Variants in MYRIP observed in about 807,000 individuals in gnomAD.
The protein encoded by MYRIP is rab effector MyRIP.
Under a neutral mutation model 98.0 loss-of-function variants are expected in MYRIP, and 49 were observed. That is an observed-to-expected ratio of 0.50 (90% CI 0.40 to 0.63). The LOEUF is 0.63. Among genes scored for constraint, MYRIP ranks in the 30% least tolerant of loss-of-function variants. The pLI is 0.00. For synonymous variants in MYRIP, 404 were observed against 409.5 expected, an observed-to-expected ratio of 0.99 and a Z score of 0.16; for missense variants, 1,004 against 1,058.2, an observed-to-expected ratio of 0.95 and a Z score of 0.71.
intron 2 of MYRIP, among the ~76,000 whole-genome samples, chr3:39,967,529 T>C (rs766662520): frequency 1.2e-4 from 18 of 152,168 alleles, no homozygotes; most frequent in Non-Finnish European, 2.2e-4. Context: ...CTATTGTGAG[T>C]AATGCTGCAA....
intron 2 of MYRIP, among the ~76,000 whole-genome samples, chr3:39,916,776 T>A (rs748403641): frequency 8.5e-5 from 13 of 152,230 alleles, no homozygotes; most frequent in Admixed American, 2.6e-4. Context: ...AAATGTCATT[T>A]AACATATAGA....
At chr3:40,226,621 C>T (rs1952500017) in intron 11 of MYRIP, among the ~76,000 whole-genome samples, 1 of 152,218 alleles carries the variant, frequency 6.6e-6, no homozygotes, top group African/African-American at 2.4e-5. Flanking sequence ...GACCCTAATA[C>T]AAATCCCGGC....
chr3:40,169,496 A>T (rs1950565992), intron 7 of MYRIP, among the ~76,000 whole-genome samples: 1 of 152,136 alleles, frequency 6.6e-6, no homozygotes, highest in African/African-American at 2.4e-5. Flanking sequence ...GGGCTTCCAG[A>T]TGCTTCCTAA....
At position 40,236,677 on chromosome 3, in the gene MYRIP, T is replaced by C. The variant is rs946155149; in HGVS notation, c.2100+2624T>C. Among the ~76,000 whole-genome samples, 5 of 152,268 alleles carry C rather than the reference T, an allele frequency of 3.3e-5. No individual in the cohort carries two copies. The South Asian group carries it at 8.3e-4, about 25-fold the overall frequency. On this transcript the variant is annotated intron_variant, in intron 12 of 16. Transcript: ENST00000302541. ...CAGACCAAGGGTGACACTGAGAAATTTGGACATTAACACTCAAGCTGTAGT... is the reference window on the plus strand; with the variant it reads ...CAGACCAAGGGTGACACTGAGAAATCTGGACATTAACACTCAAGCTGTAGT...
At chr3:40,244,632 A>G in intron 13 of MYRIP, 25 bp downstream of exon 13, 1 of 1,597,774 alleles carries the variant, frequency 6.3e-7, no homozygotes, top group East Asian at 2.3e-5. Context: ...CTCTGCCCAC[A>G]TGGGTCCTGC....
chr3:40,027,904 G>T (rs1947171855), intron 2 of MYRIP, among the ~76,000 whole-genome samples: 1 of 152,000 alleles, frequency 6.6e-6, no homozygotes, highest in Non-Finnish European at 1.5e-5. Context: ...AAGTGAGTTT[G>T]GAAGTCAATT....
intron 1 of MYRIP, among the ~76,000 whole-genome samples, chr3:39,839,456 C>T (rs1941728457): frequency 6.6e-6 from 1 of 152,108 alleles, no homozygotes; most frequent in African/African-American, 2.4e-5. Context: ...TGGGGTTTCA[C>T]CAAGTTGGCC....
At chr3:39,958,784 A>G (rs1204479375) in intron 2 of MYRIP, among the ~76,000 whole-genome samples, 3 of 152,254 alleles carry the variant, frequency 2.0e-5, no homozygotes, top group Non-Finnish European at 2.9e-5. Context: ...TACCCATCTG[A>G]CAAAGGGCTA....
chr3:40,236,665 A>G (rs182210016), intron 12 of MYRIP, among the ~76,000 whole-genome samples: 20 of 152,388 alleles, frequency 1.3e-4, no homozygotes, highest in Middle Eastern at 6.8e-3. Flanking sequence ...ACCAAGGGTG[A>G]CACTGAGAAA....
intron 2 of MYRIP, among the ~76,000 whole-genome samples, chr3:40,029,945 A>G (rs1947220759): frequency 6.6e-6 from 1 of 152,124 alleles, no homozygotes. Flanking sequence ...CTGTAGTCCC[A>G]GCTACTTGGG....
intron 2 of MYRIP, among the ~76,000 whole-genome samples, chr3:40,018,061 C>T (rs867822504): frequency 6.6e-6 from 1 of 152,158 alleles, no homozygotes; most frequent in Non-Finnish European, 1.5e-5. Context: ...ATGTATCAAT[C>T]ATAGTTCAGC....
intron 10 of MYRIP, among the ~76,000 whole-genome samples, chr3:40,190,720 C>T (rs1224048679): frequency 6.6e-6 from 1 of 152,164 alleles, no homozygotes; most frequent in Non-Finnish European, 1.5e-5. Flanking sequence ...GCATCAGCAC[C>T]ACCAGGAAAC....
intron 1 of MYRIP, among the ~76,000 whole-genome samples, chr3:39,824,762 A>G (rs66673470): frequency 0.084 from 12,637 of 151,060 alleles, 594 homozygotes; most frequent in African/African-American, 0.13. Flanking sequence ...GTTTCCCAGG[A>G]TAGAGTGCAG....
chr3:40,066,068 A>G (rs79469199), intron 3 of MYRIP, among the ~76,000 whole-genome samples: 43,752 of 151,800 alleles, frequency 0.29, 6,320 homozygotes, highest in East Asian at 0.35. Flanking sequence ...CACCTTCTGC[A>G]CAGCCTCCTG....
At chr3:39,989,945 A>G (rs1946132579) in intron 2 of MYRIP, among the ~76,000 whole-genome samples, 2 of 152,208 alleles carry the variant, frequency 1.3e-5, no homozygotes, top group African/African-American at 2.4e-5. Flanking sequence ...TTAGGCAGCT[A>G]TCAGTCCCAG....
chr3:39,950,412 G>A (rs1559533352), intron 2 of MYRIP, among the ~76,000 whole-genome samples: 1 of 152,034 alleles, frequency 6.6e-6, no homozygotes, highest in Non-Finnish European at 1.5e-5. Context: ...TTTTGATAAT[G>A]CATACATTTT....
intron 13 of MYRIP, among the ~76,000 whole-genome samples, chr3:40,246,424 T>C (rs1456749859): frequency 2.0e-5 from 3 of 152,204 alleles, no homozygotes; most frequent in African/African-American, 7.2e-5. Context: ...TTGCACTCAG[T>C]AAATCTGTGC....
chr3:40,014,753 G>T (rs184066924), intron 2 of MYRIP, among the ~76,000 whole-genome samples: 231 of 152,324 alleles, frequency 1.5e-3, no homozygotes, highest in Admixed American at 3.5e-3. Context: ...ACTTGTCCCA[G>T]TTACATACAT....
intron 1 of MYRIP, among the ~76,000 whole-genome samples, chr3:39,863,858 G>A (rs1019014562): frequency 6.6e-6 from 1 of 151,934 alleles, no homozygotes; most frequent in African/African-American, 2.4e-5. Context: ...ACAACAAACT[G>A]TAGGCCAACG....
Sources: allele counts gnomAD v4.1 joint callset (sites outside exome capture counted in the v4.1 genomes callset), GRCh38; gene constraint gnomAD v4.1.1; transcripts MANE v1.5; gene names NCBI Gene and HGNC (gene_info 2026-07-23, HGNC 2026-07-21).